GPHN: variants seen among roughly 807,000 people sequenced by gnomAD.
GPHN encodes the protein gephyrin.
A neutral mutation model predicts 95.5 loss-of-function variants in GPHN; 17 were observed. The observed-to-expected ratio is 0.18, with a 90% CI of 0.12 to 0.27. The LOEUF (loss-of-function observed/expected upper bound fraction) is 0.27, where lower values mean the gene tolerates loss of function less well. Among genes scored for constraint, GPHN ranks in the 10% least tolerant of loss-of-function variants. GPHN has a pLI of 1.00. For missense variants in GPHN, 660 were observed against 978.1 expected, an observed-to-expected ratio of 0.67 and a Z score of 4.34; for synonymous variants, 320 against 322.5, an observed-to-expected ratio of 0.99 and a Z score of 0.08.
chr14:67,499,002 T>TATTTATTA, the GPHN span, among the ~76,000 whole-genome samples: 1 of 150,956 alleles, frequency 6.6e-6, no homozygotes, highest in African/African-American at 2.4e-5. Context: ...TTTATTTATT[T>TATTTATTA]ATTAGTTATT....
intron 9 of GPHN, among the ~76,000 whole-genome samples, chr14:66,971,220 C>T (rs1407758883): frequency 3.9e-5 from 6 of 152,274 alleles, no homozygotes; most frequent in Non-Finnish European, 7.4e-5. Flanking sequence ...CCCAGGTACT[C>T]AGGAGGCTGA....
In GPHN at chr14:66,824,681, G is replaced by T. The variant is rs1033883614; in HGVS notation, c.294+115G>T. ...CTTTGCTAGGCATAACAAATGACTTGTAGTTCTAATAATGTGAAAATTTTG... is the reference window on the plus strand; with the variant it reads ...CTTTGCTAGGCATAACAAATGACTTTTAGTTCTAATAATGTGAAAATTTTG... On this transcript the variant is annotated intron_variant, in intron 4 of 22. Coordinates refer to ENST00000478722, the MANE Select transcript of GPHN (RefSeq NM_020806.5). 1.2e-4 allele frequency: 73 copies of T among 615,156 alleles called. No homozygotes were observed. In the African/African-American group the frequency reaches 1.3e-3, roughly 11 times the overall value. 38.1% of individuals were successfully genotyped at this position (615,156 alleles called of 1,614,324 possible). A position where few individuals can be genotyped will look rare whatever the true frequency, so the allele number is the denominator to read the frequency against.
chr14:67,000,673 A>C (rs1429716045), intron 9 of GPHN, among the ~76,000 whole-genome samples: 1 of 151,668 alleles, frequency 6.6e-6, no homozygotes, highest in Non-Finnish European at 1.5e-5. Context: ...AAATTTATTG[A>C]TTCCTACCTC....
the GPHN span, among the ~76,000 whole-genome samples, chr14:67,346,922 A>G: frequency 1.2e-4 from 19 of 152,238 alleles, no homozygotes; most frequent in African/African-American, 3.6e-4. Flanking sequence ...TTCTACATTG[A>G]TATATTTCTG....
chr14:66,852,171 T>G (rs1010259430), intron 4 of GPHN, among the ~76,000 whole-genome samples: 2 of 152,234 alleles, frequency 1.3e-5, no homozygotes, highest in South Asian at 4.1e-4. Context: ...AAAACAGATA[T>G]CATTAGTTGA....
chr14:66,587,592 A>G (rs1004002207), intron 1 of GPHN, among the ~76,000 whole-genome samples: 1 of 152,254 alleles, frequency 6.6e-6, no homozygotes, highest in African/African-American at 2.4e-5. Flanking sequence ...AGTGGAGGTC[A>G]TACACTACAT....
At chr14:67,668,347 G>A in the GPHN span, among the ~76,000 whole-genome samples, 1 of 152,094 alleles carries the variant, frequency 6.6e-6, no homozygotes, top group Non-Finnish European at 1.5e-5. Context: ...AATATTAAAT[G>A]GATTAATAAT....
At chr14:67,526,957 A>G in the GPHN span, among the ~76,000 whole-genome samples, 18,989 of 152,224 alleles carry the variant, frequency 0.12, 1,545 homozygotes, top group Non-Finnish European at 0.19. Context: ...CTGACCATCA[A>G]GGGAGATAAT....
chr14:67,707,762 C>A, the GPHN span, among the ~76,000 whole-genome samples: 1 of 152,198 alleles, frequency 6.6e-6, no homozygotes, highest in African/African-American at 2.4e-5. Context: ...TTTGTGCTAT[C>A]AAATACCTAT....
the GPHN span, among the ~76,000 whole-genome samples, chr14:67,371,153 A>G: frequency 8.5e-5 from 13 of 152,108 alleles, no homozygotes; most frequent in African/African-American, 2.9e-4. Flanking sequence ...GGTGGCTCAC[A>G]CTTATAATTC....
At chr14:66,780,759 A>G (rs184285045) in intron 3 of GPHN, among the ~76,000 whole-genome samples, 38 of 152,306 alleles carry the variant, frequency 2.5e-4, no homozygotes, top group African/African-American at 7.9e-4. Flanking sequence ...CATTTCACCA[A>G]TATTTGATGG....
At chr14:67,409,664 G>A in the GPHN span, among the ~76,000 whole-genome samples, 2 of 151,932 alleles carry the variant, frequency 1.3e-5, no homozygotes, top group Admixed American at 1.3e-4. Flanking sequence ...CTTCTTTCTC[G>A]TCTGGGTGGG....
At chr14:67,685,204 C>G in the GPHN span, 2 of 1,609,550 alleles carry the variant, frequency 1.2e-6, no homozygotes, top group Admixed American at 3.4e-5. Flanking sequence ...AACGCCAGAG[C>G]CTGGTTGGGG....
chr14:66,805,585 T>C (rs1274533667), intron 3 of GPHN, among the ~76,000 whole-genome samples: 2 of 152,184 alleles, frequency 1.3e-5, no homozygotes, highest in Non-Finnish European at 2.9e-5. Flanking sequence ...GGTACAGGTA[T>C]TGGGTAAATA....
chr14:67,645,662 A>C, the GPHN span: 1 of 1,613,776 alleles, frequency 6.2e-7, no homozygotes, highest in Non-Finnish European at 8.5e-7. Flanking sequence ...CGGTACCATT[A>C]GTGGCCATGC....
intron 8 of GPHN, among the ~76,000 whole-genome samples, chr14:66,942,791 T>A (rs916897735): frequency 1.3e-5 from 2 of 152,180 alleles, no homozygotes; most frequent in Non-Finnish European, 2.9e-5. Flanking sequence ...AGGGGACCTC[T>A]GTAGCACTCA....
chr14:67,507,378 C>A, the GPHN span, among the ~76,000 whole-genome samples: 1 of 151,986 alleles, frequency 6.6e-6, no homozygotes. Flanking sequence ...AACAAAAAAA[C>A]ATCAACCAGA....
At chr14:66,955,755 CCAAGTGTT>C (rs2068459538) in intron 8 of GPHN, among the ~76,000 whole-genome samples, 1 of 151,974 alleles carries the variant, frequency 6.6e-6, no homozygotes, top group Non-Finnish European at 1.5e-5. Context: ...CTTCCTGTGT[CCAAGTGTT>C]CTCATTGTTC....
intron 1 of GPHN, among the ~76,000 whole-genome samples, chr14:66,583,583 C>T (rs2061291905): frequency 6.6e-6 from 1 of 152,000 alleles, no homozygotes; most frequent in Non-Finnish European, 1.5e-5. Context: ...GGAAGGGATC[C>T]AGTTTCAGCT....
Sources: allele counts gnomAD v4.1 joint callset (sites outside exome capture counted in the v4.1 genomes callset), GRCh38; gene constraint gnomAD v4.1.1; transcripts MANE v1.5; gene names NCBI Gene and HGNC (gene_info 2026-07-23, HGNC 2026-07-21).